The following SMAD2 variants were observed in gnomAD, a reference collection of about 807,000 sequenced individuals.
The protein encoded by SMAD2 is MAD homolog 2.
Under a neutral mutation model 64.4 loss-of-function variants are expected in SMAD2, and 8 were observed. The ratio of observed to expected loss-of-function variants is 0.12; its 90% CI spans 0.07 to 0.22. The LOEUF is 0.22. Ranked by LOEUF, SMAD2 falls within the 10% of genes least tolerant of loss-of-function variation. The pLI is 1.00. For synonymous variants in SMAD2, 203 were observed against 195.8 expected, an observed-to-expected ratio of 1.04 and a Z score of -0.31; for missense variants, 289 against 561.2, an observed-to-expected ratio of 0.51 and a Z score of 4.90.
chr18:47,838,126 T>A lies in SMAD2; in HGVS notation c.*3701A>T, dbSNP rs1485823184. ...CAAGAGACTAAGACTGATGTTTGTT[T>A]GTTTGTTTTACCTTCAAAGTCTTAG... On this transcript the variant is annotated 3_prime_UTR_variant, in exon 11 of 11. Coordinates refer to ENST00000262160, the MANE Select transcript of SMAD2 (RefSeq NM_005901.6). The A allele has an allele frequency of 1.3e-5, 3 of 233,132 alleles. No individual in the cohort carries two copies. The highest frequency in any genetic ancestry group is 1.2e-4 in the East Asian group (2 of 16,488). 14.4% of individuals were successfully genotyped at this position (233,132 alleles called of 1,614,324 possible).
rs1912887879 is a variant in SMAD2, at chr18:47,829,001, TG to T, written c.*12825del. 7.2e-6 allele frequency: 1 copy of T among 138,596 alleles called. No homozygotes were observed. Among genetic ancestry groups the T allele is most frequent in the Non-Finnish European group, 1.5e-5 (1 of 65,568 alleles). 8.6% of individuals were successfully genotyped at this position (138,596 alleles called of 1,614,324 possible). On this transcript the variant is annotated 3_prime_UTR_variant, in exon 11 of 11. Coordinates refer to ENST00000262160, the MANE Select transcript of SMAD2 (RefSeq NM_005901.6). ...GTTGAGACCAAAGACTGTGCTATTATGGGGTGGAGAAAAGTATCACAATTTT... is the reference window on the plus strand; with the variant it reads ...GTTGAGACCAAAGACTGTGCTATTATGGGTGGAGAAAAGTATCACAATTTT...
chr18:47,901,354 T>C (rs2033678232), intron 1 of SMAD2, among the ~76,000 whole-genome samples: 1 of 152,200 alleles, frequency 6.6e-6, no homozygotes, highest in Admixed American at 6.6e-5. Flanking sequence ...TTGGATGGTA[T>C]ACCTTTTCGC....
At chr18:47,852,701 T>C (rs904732336) in intron 6 of SMAD2, among the ~76,000 whole-genome samples, 9 of 152,192 alleles carry the variant, frequency 5.9e-5, no homozygotes, top group African/African-American at 2.2e-4. Context: ...TAGCTCTATT[T>C]TCTGGAGTCA....
chr18:47,810,086 G>A lies in SMAD2; in HGVS notation c.*31741C>T, dbSNP rs938451950. The A allele has an allele frequency of 5.9e-5, 9 of 152,156 alleles. No homozygotes were observed. The South Asian group carries it at 8.3e-4, about 14-fold the overall frequency. 9.4% of individuals were successfully genotyped at this position (152,156 alleles called of 1,614,324 possible). A position where few individuals can be genotyped will look rare whatever the true frequency, so the allele number is the denominator to read the frequency against. On this transcript the variant is annotated 3_prime_UTR_variant, in exon 11 of 11. Coordinates refer to ENST00000262160, the MANE Select transcript of SMAD2 (RefSeq NM_005901.6). ...CTTCTGCCATCCTGCCTGCCTAGACGAGCTGATCTGAGTACAATCACAGAG... is the reference window on the plus strand; with the variant it reads ...CTTCTGCCATCCTGCCTGCCTAGACAAGCTGATCTGAGTACAATCACAGAG...
At chr18:47,863,370 T>C (rs926789416) in intron 6 of SMAD2, among the ~76,000 whole-genome samples, 1 of 152,218 alleles carries the variant, frequency 6.6e-6, no homozygotes, top group Non-Finnish European at 1.5e-5. Flanking sequence ...AACAGAAATA[T>C]TAGGTTGGGT....
At chr18:47,906,986 T>C (rs2033931406) in intron 1 of SMAD2, among the ~76,000 whole-genome samples, 1 of 152,194 alleles carries the variant, frequency 6.6e-6, no homozygotes, top group Non-Finnish European at 1.5e-5. Context: ...AAAGTCTCTC[T>C]TGCCATATAA....
At chr18:47,919,892 A>G (rs2034495776) in intron 1 of SMAD2, among the ~76,000 whole-genome samples, 1 of 152,234 alleles carries the variant, frequency 6.6e-6, no homozygotes, top group Non-Finnish European at 1.5e-5. Context: ...ATGTTTATAT[A>G]TGTATGGATT....
chr18:47,870,570 C>T lies in SMAD2; in HGVS notation c.237-6G>A, dbSNP rs748260315. On this transcript the variant is annotated splice_region_variant and splice_polypyrimidine_tract_variant and intron_variant, in intron 2 of 10. Transcript: ENST00000262160. The stretch of plus-strand genomic sequence containing the variant: ...CCCAAATTTCAGAGCAAGTGCTGTG[C>T]ATAAATTGAAAAACAAAAAATTGAT... 6 of 1,606,900 alleles carry T rather than the reference C, an allele frequency of 3.7e-6. No individual in the cohort carries two copies. In the Admixed American group the frequency reaches 8.3e-5, roughly 22 times the overall value.
intron 3 of SMAD2, among the ~76,000 whole-genome samples, chr18:47,870,007 C>T (rs954419493): frequency 7.3e-5 from 11 of 151,352 alleles, no homozygotes; most frequent in Admixed American, 2.0e-4. Context: ...ATACCATATA[C>T]GCAAAAAAGA....
At chr18:47,925,943 A>T (rs1311888022) in intron 1 of SMAD2, among the ~76,000 whole-genome samples, 1 of 152,242 alleles carries the variant, frequency 6.6e-6, no homozygotes, top group Admixed American at 6.5e-5. Flanking sequence ...TTTATCCTAG[A>T]AATCTCGAGC....
At chr18:47,858,613 A>G (rs1228553091) in intron 6 of SMAD2, among the ~76,000 whole-genome samples, 1 of 152,206 alleles carries the variant, frequency 6.6e-6, no homozygotes, top group Non-Finnish European at 1.5e-5. Context: ...ATACATGTCA[A>G]TAATAGTACA....
rs1912787214 is a variant in SMAD2, at chr18:47,827,242, A to G, written c.*14585T>C. On this transcript the variant is annotated 3_prime_UTR_variant, in exon 11 of 11. Transcript: ENST00000262160. ...TTCCTTCAAGTGTTCCATCCTTAGC[A>G]TTCTTGTTAAAAATGGCCTTTAAGA... The G allele has an allele frequency of 6.6e-6, 1 of 152,164 alleles. No individual in the cohort carries two copies. The highest frequency in any genetic ancestry group is 2.1e-4 in the South Asian group (1 of 4,830). The allele number at this position is 152,164 out of a possible 1,614,324, so 9.4% of individuals were successfully genotyped here. A position where few individuals can be genotyped will look rare whatever the true frequency, so the allele number is the denominator to read the frequency against.
intron 3 of SMAD2, 35 bp from the exon 4 acceptor site, chr18:47,869,471 C>CT: frequency 4.2e-6 from 4 of 955,112 alleles, no homozygotes; most frequent in Non-Finnish European, 5.9e-6. Flanking sequence ...AAGGAGGGAA[C>CT]TTTAAAAAAA....
intron 1 of SMAD2, among the ~76,000 whole-genome samples, chr18:47,903,153 A>G (rs1008686385): frequency 3.3e-5 from 5 of 152,132 alleles, no homozygotes; most frequent in Non-Finnish European, 4.4e-5. Flanking sequence ...AGATGATCCC[A>G]AGAGAGTCTA....
chr18:47,888,495 G>A (rs1047829517), intron 2 of SMAD2, among the ~76,000 whole-genome samples: 1 of 152,146 alleles, frequency 6.6e-6, no homozygotes, highest in African/African-American at 2.4e-5. Flanking sequence ...CTCATACTTC[G>A]AAAAAGTAGA....
At chr18:47,880,306 T>C (rs1342752451) in intron 2 of SMAD2, among the ~76,000 whole-genome samples, 3 of 152,208 alleles carry the variant, frequency 2.0e-5, no homozygotes, top group African/African-American at 7.2e-5. Flanking sequence ...TCCAGAAATA[T>C]TTTGTTTTCA....
intron 6 of SMAD2, chr18:47,853,575 C>T (rs191070735): frequency 5.7e-6 from 1 of 174,204 alleles, no homozygotes; most frequent in East Asian, 1.8e-4. Flanking sequence ...TTACACACCT[C>T]CTCCCTACCA....
rs1244147790 is a variant in SMAD2 at position 47,831,665 on chromosome 18, CATTT to C, written c.*10158_*10161del. 2 of 152,024 alleles carry C rather than the reference CATTT, an allele frequency of 1.3e-5. No homozygotes were observed. The highest frequency in any genetic ancestry group is 2.1e-4 in the South Asian group (1 of 4,834). The allele number at this position is 152,024 out of a possible 1,614,324, so 9.4% of individuals were successfully genotyped here. On this transcript the variant is annotated 3_prime_UTR_variant, in exon 11 of 11. Coordinates refer to ENST00000262160, the MANE Select transcript of SMAD2 (RefSeq NM_005901.6). ...TCCTAAGTATGCTTAGTCTATTGTTCATTTATCACTGAATCTGTTATCTGCTAAG... is the reference window on the plus strand; with the variant it reads ...TCCTAAGTATGCTTAGTCTATTGTTCATCACTGAATCTGTTATCTGCTAAG...
intron 2 of SMAD2, among the ~76,000 whole-genome samples, chr18:47,887,877 C>T (rs2032992224): frequency 1.3e-5 from 2 of 152,178 alleles, no homozygotes; most frequent in South Asian, 4.1e-4. Context: ...TTAACATATA[C>T]TACTCTCGCC....
Sources: gnomAD v4.1 joint callset for allele counts (sites outside exome capture counted in the v4.1 genomes callset) on GRCh38, gnomAD v4.1.1 for gene constraint, MANE v1.5 for transcripts, NCBI Gene and HGNC (gene_info 2026-07-23, HGNC 2026-07-21) for gene names.